The following CPPED1 variants were observed in gnomAD, a reference collection of about 807,000 sequenced individuals.
CPPED1 encodes the protein serine/threonine-protein phosphatase CPPED1.
In CPPED1, 28 loss-of-function variants were observed where a neutral mutation model predicts 28.0. The ratio of observed to expected loss-of-function variants is 1.00; its 90% CI spans 0.74 to 1.37. The LOEUF (loss-of-function observed/expected upper bound fraction) is 1.37. Among genes scored for constraint, CPPED1 ranks in the 40% most tolerant of loss-of-function variants. The probability of loss-of-function intolerance (pLI) is 0.00; values close to 1 mark genes in which losing one functional copy is unlikely to be tolerated. For synonymous variants in CPPED1, 198 were observed against 180.2 expected (o/e 1.10, Z -0.79); for missense variants, 504 against 416.5 (o/e 1.21, Z -1.83).
chr16:12,792,274 GT>G (rs2080601242), intron 1 of CPPED1, among the ~76,000 whole-genome samples: 1 of 152,078 alleles, frequency 6.6e-6, no homozygotes, highest in Admixed American at 6.5e-5. Context: ...TATCTCACTG[GT>G]CCTGATGGAC....
intron 3 of CPPED1, among the ~76,000 whole-genome samples, chr16:12,696,317 G>C (rs1485920236): frequency 6.6e-6 from 1 of 152,154 alleles, no homozygotes; most frequent in South Asian, 2.1e-4. Context: ...TGCCGGTCTA[G>C]CTAATGGATA....
rs1212839302 is a variant in CPPED1 at position 12,670,373 on chromosome 16, T to C, written c.716-5258A>G. Among the ~76,000 whole-genome samples the C allele has an allele frequency of 6.6e-6, 1 of 152,014 alleles. No individual in the cohort carries two copies. Among genetic ancestry groups the C allele is most frequent in the Non-Finnish European group, 1.5e-5 (1 of 68,016 alleles). On this transcript the variant is annotated intron_variant, in intron 3 of 3. Coordinates refer to ENST00000381774, the MANE Select transcript of CPPED1 (RefSeq NM_018340.3). The surrounding 1 kb of genome is among the most constrained non-coding windows in gnomAD (Gnocchi z 4.2). ...TAAATAAATGGTAGGGGGAGAAACATCTCCTACACACAGAAGAGTAACAAA... is the reference window on the plus strand; with the variant it reads ...TAAATAAATGGTAGGGGGAGAAACACCTCCTACACACAGAAGAGTAACAAA...
chr16:12,761,882 G>A lies in CPPED1; in HGVS notation c.289+19303C>T, dbSNP rs146829502. Among the ~76,000 whole-genome samples the A allele has an allele frequency of 5.8e-4, 88 of 152,220 alleles. 1 individual carries two copies. Among genetic ancestry groups the A allele is most frequent in the African/African-American group, 2.0e-3 (81 of 41,534 alleles). ...AAAAAGTAGCCGGGCATGGTGGCAC[G>A]TGCCTGTAATTCCAGCTACTCACTC... is the stretch of plus-strand genomic sequence containing the variant. On this transcript the variant is annotated intron_variant, in intron 2 of 3. Transcript: ENST00000381774.
At chr16:12,719,662 C>T (rs541069222) in intron 2 of CPPED1, among the ~76,000 whole-genome samples, 153 of 152,234 alleles carry the variant, frequency 1.0e-3, no homozygotes, top group Non-Finnish European at 1.7e-3. Context: ...AGGCCAGGCG[C>T]GGTCACTCAC....
At chr16:12,753,102 C>T (rs769442213) in intron 2 of CPPED1, 14 of 151,770 alleles carry the variant, frequency 9.2e-5, no homozygotes, top group Non-Finnish European at 1.6e-4. Context: ...TTTTTTTTTA[C>T]TATCCTATTA....
intron 3 of CPPED1, among the ~76,000 whole-genome samples, chr16:12,698,920 A>C (rs372890335): frequency 7.2e-5 from 11 of 152,214 alleles, no homozygotes; most frequent in African/African-American, 2.2e-4. Flanking sequence ...TCTAACACAC[A>C]GTTCTAATCT....
intron 2 of CPPED1, among the ~76,000 whole-genome samples, chr16:12,746,211 C>T (rs1282110481): frequency 6.6e-6 from 1 of 151,998 alleles, no homozygotes; most frequent in Non-Finnish European, 1.5e-5. Context: ...CTCGTCTCTA[C>T]TAAAAATACA....
At chr16:12,766,754 T>C (rs1005668498) in intron 2 of CPPED1, among the ~76,000 whole-genome samples, 3 of 151,908 alleles carry the variant, frequency 2.0e-5, no homozygotes, top group African/African-American at 7.3e-5. Flanking sequence ...GGGTGACGGA[T>C]CAAGACTCCG....
chr16:12,742,807 G>A (rs1444400218), intron 2 of CPPED1, among the ~76,000 whole-genome samples: 9 of 152,130 alleles, frequency 5.9e-5, no homozygotes, highest in Admixed American at 4.6e-4. Flanking sequence ...ACAGGACCCC[G>A]CATATTGTCA....
intron 1 of CPPED1, among the ~76,000 whole-genome samples, chr16:12,789,041 A>G (rs1405185658): frequency 1.3e-5 from 2 of 152,210 alleles, no homozygotes; most frequent in African/African-American, 4.8e-5. Flanking sequence ...GGCAGCGTTT[A>G]TAAACTTCTG....
At chr16:12,783,120 T>C (rs147176719) in intron 1 of CPPED1, among the ~76,000 whole-genome samples, 272 of 152,236 alleles carry the variant, frequency 1.8e-3, no homozygotes, top group Admixed American at 5.2e-3. Flanking sequence ...CAGTGCTCGT[T>C]GGGGGAGATG....
At position 12,678,819 on chromosome 16, in the gene CPPED1, TC is replaced by T. The variant is rs991558032; in HGVS notation, c.716-13705del. On this transcript the variant is annotated intron_variant, in intron 3 of 3. Coordinates refer to ENST00000381774, the MANE Select transcript of CPPED1 (RefSeq NM_018340.3). ...CTGGGATTTTCTAAGTTAAAAAAAA[TC>T]GTATCATCTGCAAATAGGCCATTTT... 9.9e-4 allele frequency among the ~76,000 whole-genome samples: 150 copies of T among 152,108 alleles called. 1 individual carries two copies. The highest frequency in any genetic ancestry group is 3.5e-3 in the African/African-American group (146 of 41,568).
At chr16:12,801,138 G>C (rs2080657061) in intron 1 of CPPED1, among the ~76,000 whole-genome samples, 1 of 152,152 alleles carries the variant, frequency 6.6e-6, no homozygotes, top group Admixed American at 6.6e-5. Flanking sequence ...CTGTTGTCCA[G>C]GGTGGAGTGC....
chr16:12,795,364 G>T (rs1279626910), intron 1 of CPPED1, among the ~76,000 whole-genome samples: 1 of 151,088 alleles, frequency 6.6e-6, no homozygotes, highest in African/African-American at 2.4e-5. Context: ...TTTTTTTTCA[G>T]AGTCTCGCTC....
chr16:12,790,702 G>A (rs913592005), intron 1 of CPPED1, among the ~76,000 whole-genome samples: 1 of 151,808 alleles, frequency 6.6e-6, no homozygotes. Context: ...GCGGGGCGGG[G>A]GTTGGATCAT....
intron 1 of CPPED1, among the ~76,000 whole-genome samples, chr16:12,790,133 G>T (rs1030874651): frequency 6.6e-6 from 1 of 152,166 alleles, no homozygotes; most frequent in African/African-American, 2.4e-5. Context: ...AAGAATTCAC[G>T]CAATGCTTTA....
chr16:12,693,603 C>G (rs77689461), intron 3 of CPPED1, among the ~76,000 whole-genome samples: 3,914 of 152,132 alleles, frequency 0.026, 61 homozygotes, highest in Middle Eastern at 0.051. Flanking sequence ...TTTTACAAAG[C>G]AATGTTGTAG....
In CPPED1 at chr16:12,776,644, G is replaced by C. The variant is rs113087877; in HGVS notation, c.289+4541C>G. Among the ~76,000 whole-genome samples the C allele has an allele frequency of 3.7e-3, 564 of 152,264 alleles. 2 individuals are homozygous for C. The highest frequency in any genetic ancestry group is 0.013 in the African/African-American group (543 of 41,536). ...CCATATAAGATGTGCCTTTCAGCTGGGCGTGGTGGCTCACGCCTGTAATCA... is the reference window on the plus strand; with the variant it reads ...CCATATAAGATGTGCCTTTCAGCTGCGCGTGGTGGCTCACGCCTGTAATCA... On this transcript the variant is annotated intron_variant, in intron 2 of 3. Coordinates refer to ENST00000381774, the MANE Select transcript of CPPED1 (RefSeq NM_018340.3).
chr16:12,689,628 A>G (rs2079951878), intron 3 of CPPED1, among the ~76,000 whole-genome samples: 1 of 151,980 alleles, frequency 6.6e-6, no homozygotes, highest in Admixed American at 6.6e-5. Flanking sequence ...GTGCACCTGT[A>G]TGTGAGACCA....
Sources: gnomAD v4.1 joint callset for allele counts (sites outside exome capture counted in the v4.1 genomes callset) on GRCh38, gnomAD v4.1.1 for gene constraint, Gnocchi (gnomAD v3.1) non-coding constraint, MANE v1.5 for transcripts, NCBI Gene and HGNC (gene_info 2026-07-23, HGNC 2026-07-21) for gene names.